The following LAMA2 variants were observed in gnomAD, a reference collection of about 807,000 sequenced individuals.
The protein encoded by LAMA2 is laminin subunit alpha 2, also known as laminin subunit alpha-2.
In LAMA2, 269 loss-of-function variants were observed where a neutral mutation model predicts 364.8. That is an observed-to-expected ratio of 0.74 (90% CI 0.67 to 0.82). The LOEUF is 0.82. Ranked by LOEUF, LAMA2 falls within the 40% of genes least tolerant of loss-of-function variation. LAMA2 has a pLI of 0.00. For synonymous variants in LAMA2, 1,379 were observed against 1,370.6 expected (o/e 1.01, Z -0.14); for missense variants, 3,807 against 3,873.2 (o/e 0.98, Z 0.45).
intron 36 of LAMA2, 148 bp downstream of exon 36, chr6:129,391,801 A>G (rs1779339649): frequency 7.8e-6 from 5 of 644,330 alleles, no homozygotes; most frequent in South Asian, 3.8e-5. Context: ...TCATCTATCT[A>G]TCTATCTATC....
intron 4 of LAMA2, among the ~76,000 whole-genome samples, chr6:129,112,384 T>A (rs1776209358): frequency 6.6e-6 from 1 of 151,932 alleles, no homozygotes; most frequent in Non-Finnish European, 1.5e-5. Context: ...AACTTTTGTG[T>A]TGAATTAGCT....
At chr6:129,239,171 T>C (rs139206880) in intron 12 of LAMA2, among the ~76,000 whole-genome samples, 10 of 152,288 alleles carry the variant, frequency 6.6e-5, no homozygotes, top group Admixed American at 2.6e-4. Context: ...GTAGTTACTG[T>C]TATATTGTTT....
chr6:129,492,125 T>C (rs1333352786), intron 57 of LAMA2, 48 bp downstream of exon 57: 1 of 1,556,234 alleles, frequency 6.4e-7, no homozygotes, highest in Non-Finnish European at 8.9e-7. Flanking sequence ...TTTTTATTTC[T>C]TGCTATTAGG....
intron 1 of LAMA2, among the ~76,000 whole-genome samples, chr6:128,910,612 C>A (rs568744251): frequency 9.1e-4 from 138 of 152,274 alleles, no homozygotes; most frequent in African/African-American, 3.1e-3. Flanking sequence ...GTAATTTGAT[C>A]ATCTGAAGCC....
chr6:129,088,295 T>C lies in LAMA2; in HGVS notation c.397-9878T>C, dbSNP rs1774526374. The stretch of plus-strand genomic sequence containing the variant: ...AATGGAGTCTCCTATGTCTACTTCT[T>C]TCTACACAGACACAGCAACAATCTG... On this transcript the variant is annotated intron_variant, in intron 3 of 64. Transcript: ENST00000421865. 2.6e-5 allele frequency among the ~76,000 whole-genome samples: 4 copies of C among 151,914 alleles called. No homozygotes were observed. In the South Asian group the frequency reaches 8.3e-4, roughly 32 times the overall value.
chr6:129,465,124 G>A (rs77457449), intron 50 of LAMA2, 21 bp from the exon 51 acceptor site: 1 of 1,595,182 alleles, frequency 6.3e-7, no homozygotes, highest in East Asian at 2.2e-5. Flanking sequence ...AACCACTGGG[G>A]TATGTTTACT....
intron 53 of LAMA2, among the ~76,000 whole-genome samples, chr6:129,478,455 G>C (rs895420671): frequency 1.3e-5 from 2 of 152,154 alleles, no homozygotes; most frequent in African/African-American, 4.8e-5. Context: ...CTGTGGGTGA[G>C]ATTATTGCTA....
At chr6:128,940,675 G>C (rs1257593561) in intron 1 of LAMA2, among the ~76,000 whole-genome samples, 1 of 152,184 alleles carries the variant, frequency 6.6e-6, no homozygotes. Flanking sequence ...GATAAAGCTG[G>C]ACGTGGTAGC....
intron 44 of LAMA2, 33 bp from the exon 45 acceptor site, chr6:129,445,634 C>T: frequency 3.3e-5 from 51 of 1,562,462 alleles, no homozygotes; most frequent in Non-Finnish European, 4.2e-5. Flanking sequence ...TGTGTGCATG[C>T]ATATACATGC....
intron 2 of LAMA2, among the ~76,000 whole-genome samples, chr6:129,056,024 T>C (rs949137031): frequency 2.0e-5 from 3 of 152,234 alleles, no homozygotes; most frequent in Non-Finnish European, 2.9e-5. Context: ...CAGTTTGACC[T>C]GAGGTGGCAG....
intron 3 of LAMA2, among the ~76,000 whole-genome samples, chr6:129,062,535 G>A (rs12190465): frequency 0.26 from 39,808 of 151,912 alleles, 5,361 homozygotes; most frequent in African/African-American, 0.31. Context: ...AACCTGTTTC[G>A]TTATAAAGCA....
chr6:129,220,615 A>C (rs1405900123), intron 12 of LAMA2, among the ~76,000 whole-genome samples: 1 of 152,246 alleles, frequency 6.6e-6, no homozygotes, highest in Non-Finnish European at 1.5e-5. Context: ...ATGAAGTTTC[A>C]GTGAGCTTTG....
At chr6:129,176,146 G>A (rs1217530757) in intron 9 of LAMA2, among the ~76,000 whole-genome samples, 1 of 151,644 alleles carries the variant, frequency 6.6e-6, no homozygotes, top group Non-Finnish European at 1.5e-5. Context: ...TACCTAGATA[G>A]CTATTTATTT....
intron 3 of LAMA2, among the ~76,000 whole-genome samples, chr6:129,091,619 A>T (rs1300150134): frequency 2.0e-5 from 3 of 152,198 alleles, no homozygotes; most frequent in African/African-American, 7.2e-5. Context: ...TTCAGTGACA[A>T]TTACAAATCG....
At chr6:129,033,245 A>C (rs2114737444) in intron 1 of LAMA2, among the ~76,000 whole-genome samples, 1 of 152,232 alleles carries the variant, frequency 6.6e-6, no homozygotes, top group Non-Finnish European at 1.5e-5. Flanking sequence ...AGAATGAAGT[A>C]AATGAATGTG....
intron 58 of LAMA2, among the ~76,000 whole-genome samples, chr6:129,495,954 A>G (rs1785158800): frequency 6.6e-6 from 1 of 152,146 alleles, no homozygotes; most frequent in Admixed American, 6.5e-5. Context: ...CAAAAAGTTG[A>G]GTAGCATGCC....
rs115633639 is a variant in LAMA2 at position 129,257,571 on chromosome 6, G to A, written c.2097-3140G>A. ...AGTTTTGCATGTCAATTTTATATGA[G>A]AAATTCTTGGACTGTATCTAGATAC... On this transcript the variant is annotated intron_variant, in intron 14 of 64. Transcript: ENST00000421865. Among the ~76,000 whole-genome samples the A allele has an allele frequency of 5.5e-3, 843 of 152,122 alleles. 10 individuals carry two copies. The highest frequency in any genetic ancestry group is 0.019 in the African/African-American group (795 of 41,512).
rs148544189 is a variant in LAMA2 at position 128,921,672 on chromosome 6, C to T, written c.112+38315C>T. On this transcript the variant is annotated intron_variant, in intron 1 of 64. Transcript: ENST00000421865. The stretch of plus-strand genomic sequence containing the variant: ...GACATTTTGGTTTCAGAGTTACAGC[C>T]TCCTGAACTGTGAAATGAATGTCTG... Among the ~76,000 whole-genome samples, 64 of 150,486 alleles carry T rather than the reference C, an allele frequency of 4.3e-4. 2 individuals carry two copies. Among genetic ancestry groups the T allele is most frequent in the African/African-American group, 1.5e-3 (62 of 40,586 alleles).
chr6:129,502,757 C>T lies in LAMA2; in HGVS notation c.8343C>T (p.Thr2781=), dbSNP rs2114889046. 4 of 1,609,586 alleles carry T rather than the reference C, an allele frequency of 2.5e-6. No homozygotes were observed. Among genetic ancestry groups the T allele is most frequent in the African/African-American group, 1.3e-5 (1 of 74,932 alleles). ...NSHIAIAFDD[T]KVKNRLTIEL... is the part of the protein sequence containing the mutation. ...ACATTGCAATTGCATTTGATGACACCAAAGTTAAAAACCGGTATGTATCAT... is the reference window on the plus strand; with the variant it reads ...ACATTGCAATTGCATTTGATGACACTAAAGTTAAAAACCGGTATGTATCAT... Residue 2781 remains threonine (T), a synonymous_variant, in exon 59 of 65, where the codon ACC becomes ACT. Coordinates refer to ENST00000421865, the MANE Select transcript of LAMA2 (RefSeq NM_000426.4).
Sources: gnomAD v4.1 joint callset for allele counts (sites outside exome capture counted in the v4.1 genomes callset) on GRCh38, gnomAD v4.1.1 for gene constraint, MANE v1.5 for transcripts, NCBI Gene and HGNC (gene_info 2026-07-23, HGNC 2026-07-21) for gene names.